PHACTR2: variants seen among roughly 807,000 people sequenced by gnomAD.
The protein encoded by PHACTR2 is chromosome 6 open reading frame 56.
In PHACTR2, 30 loss-of-function variants were observed where a neutral mutation model predicts 76.0. The ratio of observed to expected loss-of-function variants is 0.39; its 90% confidence interval spans 0.30 to 0.54. PHACTR2 has a LOEUF of 0.54. Ranked by LOEUF, PHACTR2 falls within the 20% of genes least tolerant of loss-of-function variation. The pLI is 0.61. For synonymous variants in PHACTR2, 292 were observed against 292.5 expected, an observed-to-expected ratio of 1.00 and a Z score of 0.02; for missense variants, 696 against 781.1, an observed-to-expected ratio of 0.89 and a Z score of 1.30.
Position 143,767,067 on chromosome 6 carries a change from T to G in PHACTR2, c.1232+1269T>G, listed in dbSNP as rs1005567641. On this transcript the variant is annotated intron_variant, in intron 6 of 12. Coordinates refer to ENST00000440869, the MANE Select transcript of PHACTR2 (RefSeq NM_001100164.2). The surrounding 1 kb of genome is among the most constrained non-coding windows in gnomAD (Gnocchi z 4.4). ...TGGTTTTGGTCAAGAAACTAAAATA[T>G]CAACTTTAATTCTTTAATTGCTAAT... is the stretch of plus-strand genomic sequence containing the variant. Among the ~76,000 whole-genome samples, 2 of 152,328 alleles carry G rather than the reference T, an allele frequency of 1.3e-5. No individual in the cohort carries two copies. The highest frequency in any genetic ancestry group is 1.9e-4 in the East Asian group (1 of 5,186).
At chr6:143,779,988 T>C (rs1040085015) in intron 9 of PHACTR2, among the ~76,000 whole-genome samples, 5 of 149,882 alleles carry the variant, frequency 3.3e-5, no homozygotes, top group Non-Finnish European at 7.4e-5. Flanking sequence ...TAAAAACTGA[T>C]AAAATAGAAA....
intron 7 of PHACTR2, 70 bp from the exon 8 acceptor site, chr6:143,773,989 C>G (rs1775213494): frequency 7.4e-7 from 1 of 1,343,172 alleles, no homozygotes; most frequent in Non-Finnish European, 1.0e-6. Context: ...AAAGTCCATG[C>G]CATGTGTAAC....
Position 143,591,129 on chromosome 6 carries a change from G to A in PHACTR2, c.217+53922G>A, listed in dbSNP as rs562932176. Among the ~76,000 whole-genome samples, 4 of 152,266 alleles carry A rather than the reference G, an allele frequency of 2.6e-5. No homozygotes were observed. Among genetic ancestry groups the A allele is most frequent in the African/African-American group, 9.6e-5 (4 of 41,548 alleles). On this transcript the variant is annotated intron_variant, in intron 1 of 11. Transcript: ENST00000367584. This position sits in a 1 kb window ranked among gnomAD's most constrained non-coding sequence, Gnocchi z 6.4. ...TTTTCTGTAATTCTTTGTGCCTTGT[G>A]ATGCTTCCTTTTGCCCCATCAGCCA...
chr6:143,797,682 G>T (rs1205529655), intron 11 of PHACTR2, among the ~76,000 whole-genome samples: 1 of 152,142 alleles, frequency 6.6e-6, no homozygotes, highest in Non-Finnish European at 1.5e-5. Flanking sequence ...CTTCCCCATC[G>T]CTTGTATGTG....
chr6:143,628,924 GATATATATATAT>G (rs71024862), intron 1 of PHACTR2, among the ~76,000 whole-genome samples: 1,144 of 33,480 alleles, frequency 0.034, 14 homozygotes, highest in Admixed American at 0.084. Context: ...AAATGCAGGA[GATATATATATAT>G]ATATATATAT....
chr6:143,590,489 T>C (rs761939768), intron 1 of PHACTR2, among the ~76,000 whole-genome samples: 2 of 151,942 alleles, frequency 1.3e-5, no homozygotes, highest in Non-Finnish European at 2.9e-5. Context: ...ACCTCCTCCA[T>C]GCTGTTTACA....
Position 143,543,415 on chromosome 6 carries a change from A to G in PHACTR2, c.217+6208A>G, listed in dbSNP as rs760877300. On this transcript the variant is annotated intron_variant, in intron 1 of 11. Transcript: ENST00000367584. This position sits in a 1 kb window ranked among gnomAD's most constrained non-coding sequence, Gnocchi z 4.7. ...GACATCCCTCAGGAACTCACAGTTT[A>G]GTGGGGAAAGACAGGCCAATAAGCC... Among the ~76,000 whole-genome samples the G allele has an allele frequency of 1.3e-5, 2 of 152,234 alleles. No homozygotes were observed. The highest frequency in any genetic ancestry group is 2.4e-5 in the African/African-American group (1 of 41,466).
In PHACTR2 at chr6:143,827,155, A is replaced by AAAATATAT. The variant is rs1254251707; in HGVS notation, c.*3467_*3468insAATATATA. ...GGGCTGCGTTGGCATTAAAAAAGAA[A>AAAATATAT]ATATATATATATATATATATATATA... On this transcript the variant is annotated 3_prime_UTR_variant, in exon 13 of 13. Coordinates refer to ENST00000440869, the MANE Select transcript of PHACTR2 (RefSeq NM_001100164.2). 18 of 77,236 alleles carry AAAATATAT rather than the reference A, an allele frequency of 2.3e-4. No individual in the cohort carries two copies. Among genetic ancestry groups the AAAATATAT allele is most frequent in the African/African-American group, 3.5e-4 (7 of 20,086 alleles). 4.8% of individuals were successfully genotyped at this position (77,236 alleles called of 1,614,324 possible).
chr6:143,735,258 G>A (rs915939741), intron 2 of PHACTR2, among the ~76,000 whole-genome samples: 6 of 151,972 alleles, frequency 3.9e-5, no homozygotes, highest in Non-Finnish European at 7.4e-5. Context: ...AAGACAGGGC[G>A]TAAGAGGCTA....
intron 6 of PHACTR2, among the ~76,000 whole-genome samples, chr6:143,770,085 G>A (rs1409079425): frequency 1.3e-5 from 2 of 152,116 alleles, no homozygotes; most frequent in Non-Finnish European, 2.9e-5. Flanking sequence ...TAGCCAAAAG[G>A]TGAAAACATA....
At chr6:143,759,329 G>A (rs756641547) in intron 4 of PHACTR2, among the ~76,000 whole-genome samples, 109 of 152,018 alleles carry the variant, frequency 7.2e-4, no homozygotes, top group Non-Finnish European at 1.0e-3. Flanking sequence ...TCTTCGATTC[G>A]GCACCATCTA....
At chr6:143,681,116 T>C (rs987821132) in intron 1 of PHACTR2, among the ~76,000 whole-genome samples, 5 of 152,158 alleles carry the variant, frequency 3.3e-5, no homozygotes, top group Non-Finnish European at 7.4e-5. Flanking sequence ...CAGGTATATA[T>C]TTAGTAGTGG....
rs1207676783 is a variant in PHACTR2, at chr6:143,795,521, C to T, written c.1845+6611C>T. Among the ~76,000 whole-genome samples the T allele has an allele frequency of 2.0e-5, 3 of 152,210 alleles. No homozygotes were observed. The highest frequency in any genetic ancestry group is 4.4e-5 in the Non-Finnish European group (3 of 68,034). The stretch of plus-strand genomic sequence containing the variant: ...AATAGAGATGGCCTGGTTTCCTGCA[C>T]TGAGGTAGATAGACGAGCTGGCCCT... On this transcript the variant is annotated intron_variant, in intron 11 of 12. Coordinates refer to ENST00000440869, the MANE Select transcript of PHACTR2 (RefSeq NM_001100164.2). This position sits in a 1 kb window ranked among gnomAD's most constrained non-coding sequence, Gnocchi z 4.8.
rs541301929 is a variant in PHACTR2, at chr6:143,621,687, A to G, written c.13+13365A>G. Among the ~76,000 whole-genome samples, 12 of 152,212 alleles carry G rather than the reference A, an allele frequency of 7.9e-5. No individual in the cohort carries two copies. The South Asian group carries it at 2.1e-3, about 26-fold the overall frequency. ...CTGGTATGGGGCCTTGGGCATATCC[A>G]TGAGCCTCACTTTCCTCATCTGTAG... On this transcript the variant is annotated intron_variant, in intron 1 of 11. Coordinates refer to the PHACTR2 transcript ENST00000305766. This position sits in a 1 kb window ranked among gnomAD's most constrained non-coding sequence, Gnocchi z 4.1.
In PHACTR2 at chr6:143,753,636, TG is replaced by T; in HGVS notation, c.296-117del. ...AATAAACCGGTGAAACAGTGCAGGG[TG>T]TATTTGGTTCCCAGGGACTGAAACA... On this transcript the variant is annotated intron_variant, in intron 3 of 12. Coordinates refer to ENST00000440869, the MANE Select transcript of PHACTR2 (RefSeq NM_001100164.2). This position sits in a 1 kb window ranked among gnomAD's most constrained non-coding sequence, Gnocchi z 4.6. 1 of 653,200 alleles carries T rather than the reference TG, an allele frequency of 1.5e-6. No homozygotes were observed. The highest frequency in any genetic ancestry group is 2.7e-6 in the Non-Finnish European group (1 of 374,446). The allele number at this position is 653,200 out of a possible 1,614,324, so 40.5% of individuals were successfully genotyped here. A position where few individuals can be genotyped will look rare whatever the true frequency, so the allele number is the denominator to read the frequency against.
At chr6:143,564,470 A>G (rs1432795724) in intron 1 of PHACTR2, among the ~76,000 whole-genome samples, 1 of 151,946 alleles carries the variant, frequency 6.6e-6, no homozygotes, top group Non-Finnish European at 1.5e-5. Flanking sequence ...GTCTGCTGTT[A>G]TATCATATAA....
Position 143,697,819 on chromosome 6 carries a change from C to G in PHACTR2, c.47-14197C>G, listed in dbSNP as rs2024693. On this transcript the variant is annotated intron_variant, in intron 1 of 12. Coordinates refer to ENST00000440869, the MANE Select transcript of PHACTR2 (RefSeq NM_001100164.2). The surrounding 1 kb of genome is among the most constrained non-coding windows in gnomAD (Gnocchi z 4.4). ...TTCTTTTTGTAAATATTTTTAGGGA[C>G]CTTTTTGTGGCCTAAGTACAGTATA... Among the ~76,000 whole-genome samples the G allele has an allele frequency of 0.44, 67,170 of 151,836 alleles. 14,755 individuals carry two copies. The highest frequency in any genetic ancestry group is 0.52 in the Middle Eastern group (152 of 292).
chr6:143,775,959 C>T lies in PHACTR2; in HGVS notation c.1590-1369C>T, dbSNP rs1449537702. ...CGGCCTGGCCAACATGGCGAAATACCGTTTCTACTAAAAATACAAATATTA... is the reference window on the plus strand; with the variant it reads ...CGGCCTGGCCAACATGGCGAAATACTGTTTCTACTAAAAATACAAATATTA... On this transcript the variant is annotated intron_variant, in intron 8 of 12. Transcript: ENST00000440869. This position sits in a 1 kb window ranked among gnomAD's most constrained non-coding sequence, Gnocchi z 4.4. Among the ~76,000 whole-genome samples, 2 of 151,962 alleles carry T rather than the reference C, an allele frequency of 1.3e-5. No individual in the cohort carries two copies. The highest frequency in any genetic ancestry group is 2.1e-4 in the South Asian group (1 of 4,806).
intron 12 of PHACTR2, among the ~76,000 whole-genome samples, chr6:143,814,792 C>T (rs1005688786): frequency 6.6e-6 from 1 of 151,764 alleles, no homozygotes; most frequent in Non-Finnish European, 1.5e-5. Context: ...TTAGTAGAGA[C>T]GGGGTTTCAC....
Sources: allele counts gnomAD v4.1 joint callset (sites outside exome capture counted in the v4.1 genomes callset), GRCh38; gene constraint gnomAD v4.1.1; non-coding constraint Gnocchi (gnomAD v3.1); transcripts MANE v1.5; gene names NCBI Gene and HGNC (gene_info 2026-07-23, HGNC 2026-07-21).